The following SNTG1 variants were observed in gnomAD, a reference collection of about 807,000 sequenced individuals.
The protein encoded by SNTG1 is syntrophin gamma 1.
In SNTG1, 39 loss-of-function variants were observed where a neutral mutation model predicts 74.7. That is an observed-to-expected ratio of 0.52 (90% CI 0.40 to 0.68). SNTG1 has a LOEUF of 0.68. SNTG1 is among the 30% of genes least tolerant of loss of function. The pLI, the probability that SNTG1 is intolerant of heterozygous loss-of-function variation, is 0.00. For missense variants in SNTG1, 685 were observed against 609.5 expected (o/e 1.12, Z -1.30); for synonymous variants, 254 against 217.1 (o/e 1.17, Z -1.49).
At chr8:50,620,560 T>C (rs944733403) in intron 13 of SNTG1, among the ~76,000 whole-genome samples, 1 of 152,192 alleles carries the variant, frequency 6.6e-6, no homozygotes, top group Non-Finnish European at 1.5e-5. Flanking sequence ...GAGCTAGACA[T>C]AGCTCCAGAT....
intron 4 of SNTG1, among the ~76,000 whole-genome samples, chr8:50,427,732 T>C (rs987135439): frequency 1.3e-5 from 2 of 152,186 alleles, no homozygotes; most frequent in Non-Finnish European, 2.9e-5. Context: ...CAGCCTCAAA[T>C]ACATTTTTAC....
At chr8:50,021,084 A>G (rs1030469677) in intron 1 of SNTG1, among the ~76,000 whole-genome samples, 2 of 152,164 alleles carry the variant, frequency 1.3e-5, no homozygotes, top group African/African-American at 2.4e-5. Context: ...CCACAGTTCC[A>G]GGTATTGCTT....
chr8:50,399,163 C>T (rs748364822), intron 3 of SNTG1, among the ~76,000 whole-genome samples: 4 of 151,872 alleles, frequency 2.6e-5, no homozygotes, highest in Non-Finnish European at 5.9e-5. Context: ...TTTAGCACTT[C>T]GTGTACTGTT....
intron 13 of SNTG1, among the ~76,000 whole-genome samples, chr8:50,602,713 T>G (rs1414605712): frequency 6.6e-6 from 1 of 152,162 alleles, no homozygotes; most frequent in Non-Finnish European, 1.5e-5. Context: ...ATCCCTAAGC[T>G]TTTGTTTGTC....
At chr8:50,006,183 A>G (rs1815216742) in intron 1 of SNTG1, among the ~76,000 whole-genome samples, 2 of 151,818 alleles carry the variant, frequency 1.3e-5, no homozygotes, top group Admixed American at 1.3e-4. Context: ...GGATGGTCTC[A>G]ATCTCCTGAC....
At chr8:50,037,416 C>G (rs1219348392) in intron 1 of SNTG1, among the ~76,000 whole-genome samples, 1 of 152,096 alleles carries the variant, frequency 6.6e-6, no homozygotes, top group Non-Finnish European at 1.5e-5. Flanking sequence ...AGCCTGTGAA[C>G]CAGGACCTCA....
At chr8:50,417,447 CT>C (rs2093029018) in intron 4 of SNTG1, among the ~76,000 whole-genome samples, 1 of 152,184 alleles carries the variant, frequency 6.6e-6, no homozygotes, top group Admixed American at 6.6e-5. Context: ...TAGAATTATA[CT>C]TATGAAATGT....
chr8:50,379,146 T>C (rs903553015), intron 2 of SNTG1, among the ~76,000 whole-genome samples: 1 of 152,138 alleles, frequency 6.6e-6, no homozygotes, highest in Non-Finnish European at 1.5e-5. Flanking sequence ...GCCCCAAGTC[T>C]GGAGGCAGCT....
intron 15 of SNTG1, among the ~76,000 whole-genome samples, chr8:50,686,512 T>G (rs986426467): frequency 5.3e-5 from 8 of 152,196 alleles, no homozygotes; most frequent in African/African-American, 1.7e-4. Flanking sequence ...TGTATTCTCC[T>G]TTCTTTTTCT....
chr8:50,255,118 T>A (rs1404786833), intron 2 of SNTG1, among the ~76,000 whole-genome samples: 1 of 152,066 alleles, frequency 6.6e-6, no homozygotes, highest in East Asian at 1.9e-4. Context: ...TTGACCTTTT[T>A]AAATATGAGC....
intron 1 of SNTG1, among the ~76,000 whole-genome samples, chr8:50,015,699 A>G (rs1219091182): frequency 6.6e-6 from 1 of 152,156 alleles, no homozygotes; most frequent in Non-Finnish European, 1.5e-5. Context: ...GCTCAAACAC[A>G]TCTTTATTAA....
At chr8:50,080,372 TGTTG>T in intron 1 of SNTG1, among the ~76,000 whole-genome samples, 1 of 152,336 alleles carries the variant, frequency 6.6e-6, no homozygotes, top group East Asian at 1.9e-4. Flanking sequence ...ATGTGTTTTT[TGTTG>T]ATGATATAAA....
chr8:50,727,370 C>T (rs1435083266), intron 17 of SNTG1, among the ~76,000 whole-genome samples: 4 of 152,034 alleles, frequency 2.6e-5, no homozygotes, highest in Admixed American at 6.5e-5. Context: ...GATTGGGTTC[C>T]GTTAAGAGTT....
chr8:50,744,365 A>G (rs903714259), intron 17 of SNTG1, among the ~76,000 whole-genome samples: 4 of 152,012 alleles, frequency 2.6e-5, no homozygotes, highest in Non-Finnish European at 5.9e-5. Context: ...ATAATTGGGG[A>G]TATACTTAAC....
intron 15 of SNTG1, among the ~76,000 whole-genome samples, chr8:50,679,310 A>C (rs1186240452): frequency 2.0e-5 from 3 of 152,122 alleles, no homozygotes; most frequent in African/African-American, 7.2e-5. Flanking sequence ...AAGAGTAGTG[A>C]TGTGTTAATA....
At chr8:50,303,356 T>C (rs1469887785) in intron 2 of SNTG1, among the ~76,000 whole-genome samples, 1 of 152,074 alleles carries the variant, frequency 6.6e-6, no homozygotes, top group Non-Finnish European at 1.5e-5. Context: ...GCAAAATTAA[T>C]ATGCTAAAAT....
chr8:50,086,051 T>A (rs1232207021), intron 1 of SNTG1, among the ~76,000 whole-genome samples: 6 of 151,096 alleles, frequency 4.0e-5, no homozygotes, highest in African/African-American at 9.7e-5. Flanking sequence ...AAAAAAAGGA[T>A]CGATTTGGGG....
chr8:50,109,211 T>C (rs1046232514), intron 1 of SNTG1, among the ~76,000 whole-genome samples: 2 of 152,186 alleles, frequency 1.3e-5, no homozygotes, highest in Non-Finnish European at 2.9e-5. Context: ...GAACTTTGAC[T>C]ATCTTTCTTA....
chr8:50,320,536 TG>T (rs1034772892), intron 2 of SNTG1, among the ~76,000 whole-genome samples: 3 of 102,132 alleles, frequency 2.9e-5, no homozygotes, highest in Non-Finnish European at 7.2e-5. Flanking sequence ...TCTTTATTAT[TG>T]TTTTTTTTTA....
Sources: gnomAD v4.1 joint callset for allele counts (sites outside exome capture counted in the v4.1 genomes callset) on GRCh38, gnomAD v4.1.1 for gene constraint, MANE v1.5 for transcripts, NCBI Gene and HGNC (gene_info 2026-07-23, HGNC 2026-07-21) for gene names.